Variants in MYH13 observed in about 807,000 individuals in gnomAD.
MYH13 encodes myosin heavy chain 13.
MYH13 carries 177 observed loss-of-function variants against 232.1 expected under a neutral mutation model. The ratio of observed to expected loss-of-function variants is 0.76; its 90% CI spans 0.67 to 0.86. MYH13 has a LOEUF of 0.86. MYH13 is among the 40% of genes least tolerant of loss of function. The probability of loss-of-function intolerance (pLI) is 0.00; values close to 1 mark genes in which losing one functional copy is unlikely to be tolerated. For missense variants in MYH13, 2,246 were observed against 2,405.9 expected, an observed-to-expected ratio of 0.93 and a Z score of 1.39; for synonymous variants, 884 against 923.5, an observed-to-expected ratio of 0.96 and a Z score of 0.78.
chr17:10,308,662 TAAAC>T lies in MYH13; in HGVS notation c.5169+568_5169+571del, dbSNP rs1906378850. Reference sequence around the variant, plus strand: ...TATTTACTTGTTTTTTCTATTTTTTTAAACAAAGGAGTTTTAAAAACTTTTATAA... The same window carrying T: ...TATTTACTTGTTTTTTCTATTTTTTTAAAGGAGTTTTAAAAACTTTTATAA... On this transcript the variant is annotated intron_variant, in intron 35 of 40. Coordinates refer to ENST00000252172, the MANE Select transcript of MYH13 (RefSeq NM_003802.3). Among the ~76,000 whole-genome samples, 4 of 152,238 alleles carry T rather than the reference TAAAC, an allele frequency of 2.6e-5. 1 individual carries two copies. The South Asian group carries it at 8.3e-4, about 32-fold the overall frequency.
At chr17:10,344,905 C>T (rs902801002) in intron 15 of MYH13, among the ~76,000 whole-genome samples, 24 of 152,038 alleles carry the variant, frequency 1.6e-4, no homozygotes, top group African/African-American at 4.6e-4. Context: ...TCCATGGTTC[C>T]GCCTCCTTGG....
chr17:10,360,284 AGTT>A, intron 5 of MYH13, 96 bp from the exon 6 acceptor site: 1 of 1,388,974 alleles, frequency 7.2e-7, no homozygotes, highest in East Asian at 2.5e-5. Context: ...CATAGGCTCT[AGTT>A]AATGTCTTTG....
intron 23 of MYH13, among the ~76,000 whole-genome samples, chr17:10,322,787 C>T (rs1024846205): frequency 1.3e-5 from 2 of 152,062 alleles, no homozygotes; most frequent in Non-Finnish European, 2.9e-5. Flanking sequence ...GCGTCCGCCA[C>T]CACGCCCGGC....
chr17:10,306,220 A>ATGTGTGTGTGTGTGTGTGTGTGTG lies in MYH13; in HGVS notation c.5466+215_5466+238dup, dbSNP rs34889608. 2.3e-5 allele frequency among the ~76,000 whole-genome samples: 3 copies of ATGTGTGTGTGTGTGTGTGTGTGTG among 129,944 alleles called. No individual in the cohort carries two copies. Among genetic ancestry groups the ATGTGTGTGTGTGTGTGTGTGTGTG allele is most frequent in the Admixed American group, 7.7e-5 (1 of 12,946 alleles). 85.2% of individuals were successfully genotyped at this position (129,944 alleles called of 152,430 possible). On this transcript the variant is annotated intron_variant, in intron 37 of 40. Transcript: ENST00000252172. The surrounding 1 kb of genome is among the most constrained non-coding windows in gnomAD (Gnocchi z 4.3). ...CTGAGGTGTGAGCATACCAAAATAG[A>ATGTGTGTGTGTGTGTGTGTGTGTG]TGTGTGTGTGTGTGTGTGTGTGTGT...
chr17:10,331,985 G>A, intron 20 of MYH13, 114 bp downstream of exon 20: 2 of 1,362,990 alleles, frequency 1.5e-6, no homozygotes, highest in South Asian at 2.8e-5. Context: ...CTGGGCGACT[G>A]GGCAAGGACG....
chr17:10,328,175 A>C (rs1597379882), intron 21 of MYH13, 54 bp from the exon 22 acceptor site: 9 of 1,587,196 alleles, frequency 5.7e-6, no homozygotes, highest in East Asian at 2.3e-5. Flanking sequence ...TGGTCTCTGC[A>C]CCCCCAACCT....
chr17:10,346,956 A>T (rs529962128), intron 12 of MYH13, among the ~76,000 whole-genome samples, 158 bp from the exon 13 acceptor site: 1 of 152,162 alleles, frequency 6.6e-6, no homozygotes, highest in African/African-American at 2.4e-5. Context: ...TGAAGCTTTA[A>T]TCCCATATCC....
intron 18 of MYH13, among the ~76,000 whole-genome samples, chr17:10,338,100 A>G (rs2071590202): frequency 6.6e-6 from 1 of 152,154 alleles, no homozygotes; most frequent in Non-Finnish European, 1.5e-5. Context: ...CATTCCTCCC[A>G]GAGGCACAGT....
At chr17:10,368,816 G>A (rs952862196) in intron 2 of MYH13, among the ~76,000 whole-genome samples, 1 of 152,156 alleles carries the variant, frequency 6.6e-6, no homozygotes, top group Non-Finnish European at 1.5e-5. Context: ...ACAGGTTTAC[G>A]ACCTTATAAT....
chr17:10,365,840 G>GGTGTGTGTGT (rs150455118), intron 2 of MYH13, among the ~76,000 whole-genome samples: 22 of 140,288 alleles, frequency 1.6e-4, no homozygotes, highest in Non-Finnish European at 2.3e-4. Flanking sequence ...CTTGCTGCAT[G>GGTGTGTGTGT]GTGTGTGTGT....
At chr17:10,337,953 T>C (rs1211216054) in intron 18 of MYH13, among the ~76,000 whole-genome samples, 1 of 152,076 alleles carries the variant, frequency 6.6e-6, no homozygotes, top group Non-Finnish European at 1.5e-5. Flanking sequence ...CTCAGGAGGC[T>C]GAGGCAGGAG....
chr17:10,322,630 GTTTTT>G (rs769352001), intron 23 of MYH13, among the ~76,000 whole-genome samples: 1 of 107,554 alleles, frequency 9.3e-6, no homozygotes. Flanking sequence ...TGTTACAGTT[GTTTTT>G]TTTTTTTTTT....
rs1906687091 is a variant in MYH13 at position 10,315,825 on chromosome 17, G to A, written c.3866-14C>T. 1 of 1,613,932 alleles carries A rather than the reference G, an allele frequency of 6.2e-7. No homozygotes were observed. The highest frequency in any genetic ancestry group is 8.5e-7 in the Non-Finnish European group (1 of 1,179,882). ...GGCTCAGCTCCCCTACCAAACAGAT[G>A]TGGCCCCCACGTCAGTGTTACTGAC... On this transcript the variant is annotated splice_polypyrimidine_tract_variant and intron_variant, in intron 28 of 40. Transcript: ENST00000252172.
At chr17:10,302,379 T>C (rs545160265) in intron 39 of MYH13, among the ~76,000 whole-genome samples, 1 of 152,280 alleles carries the variant, frequency 6.6e-6, no homozygotes, top group South Asian at 2.1e-4. Context: ...ATGCTCTGCA[T>C]ACAATAAGAA....
intron 11 of MYH13, among the ~76,000 whole-genome samples, chr17:10,352,605 A>AAAAACAG (rs2071718881): frequency 6.6e-6 from 1 of 151,774 alleles, no homozygotes; most frequent in Non-Finnish European, 1.5e-5. Context: ...ACAAAAAACA[A>AAAAACAG]AAAACCAAAA....
chr17:10,303,569 A>G (rs931055650), intron 37 of MYH13, 71 bp from the exon 38 acceptor site: 2 of 1,347,030 alleles, frequency 1.5e-6, no homozygotes, highest in African/African-American at 1.4e-5. Flanking sequence ...TCATGGGCCA[A>G]TCATTCTAGA....
chr17:10,367,031 C>A (rs1241868409), intron 2 of MYH13, among the ~76,000 whole-genome samples: 1 of 152,202 alleles, frequency 6.6e-6, no homozygotes, highest in African/African-American at 2.4e-5. Flanking sequence ...AGCCATCATG[C>A]TGGTTTAGAG....
intron 16 of MYH13, 56 bp downstream of exon 16, chr17:10,343,744 G>T: frequency 6.6e-7 from 1 of 1,507,122 alleles, no homozygotes; most frequent in Non-Finnish European, 8.9e-7. Context: ...GCAGCTCTGG[G>T]TTAGGAGTCA....
intron 29 of MYH13, among the ~76,000 whole-genome samples, chr17:10,314,352 T>A (rs143928002): frequency 0.034 from 5,225 of 151,530 alleles, 124 homozygotes; most frequent in Middle Eastern, 0.15. Context: ...GAGGCAGAGG[T>A]TGTGGTGAGC....
Sources: allele counts gnomAD v4.1 joint callset (sites outside exome capture counted in the v4.1 genomes callset), GRCh38; gene constraint gnomAD v4.1.1; non-coding constraint Gnocchi (gnomAD v3.1); transcripts MANE v1.5; gene names NCBI Gene and HGNC (gene_info 2026-07-23, HGNC 2026-07-21).